Variants in ALG9 observed in about 807,000 individuals in gnomAD.
ALG9 encodes the protein ALG9 alpha-1,2-mannosyltransferase, also known as alpha-1,2-mannosyltransferase ALG9.
Under a neutral mutation model 81.8 loss-of-function variants are expected in ALG9, and 55 were observed. The ratio of observed to expected loss-of-function variants is 0.67; its 90% CI spans 0.54 to 0.84. The LOEUF (loss-of-function observed/expected upper bound fraction) is 0.84, where lower values mean the gene tolerates loss of function less well. ALG9 is among the 40% of genes least tolerant of loss of function. The pLI is 0.00. For missense variants in ALG9, 629 were observed against 745.0 expected (o/e 0.84, Z 1.81); for synonymous variants, 278 against 274.3 (o/e 1.01, Z -0.13).
the ALG9 span, among the ~76,000 whole-genome samples, chr11:111,772,021 C>T: frequency 6.6e-6 from 1 of 152,232 alleles, no homozygotes; most frequent in Non-Finnish European, 1.5e-5. Flanking sequence ...TTGCTACTCC[C>T]TCCTCCATCT....
chr11:111,844,830 C>G, intron 8 of ALG9, 107 bp from the exon 9 acceptor site: 9 of 1,275,000 alleles, frequency 7.1e-6, no homozygotes, highest in African/African-American at 1.5e-5. Context: ...GATCCTATGC[C>G]TCATGGGAAT....
At chr11:111,791,941 G>A (rs1001728288) in intron 14 of ALG9, among the ~76,000 whole-genome samples, 17 of 152,224 alleles carry the variant, frequency 1.1e-4, no homozygotes, top group African/African-American at 4.1e-4. Flanking sequence ...AAATTAGTTG[G>A]CTGTGGTGGC....
chr11:111,776,679 A>C, the ALG9 span, among the ~76,000 whole-genome samples: 1 of 152,206 alleles, frequency 6.6e-6, no homozygotes, highest in African/African-American at 2.4e-5. Flanking sequence ...TATTTCTAAG[A>C]TTGAGCTCAA....
chr11:111,839,285 A>G (rs185798070), intron 10 of ALG9, among the ~76,000 whole-genome samples: 82 of 152,224 alleles, frequency 5.4e-4, no homozygotes, highest in African/African-American at 1.9e-3. Flanking sequence ...ACAATATTAA[A>G]TTAAAAGGGA....
intron 9 of ALG9, among the ~76,000 whole-genome samples, chr11:111,843,990 A>G (rs1284522469): frequency 3.9e-5 from 6 of 152,146 alleles, no homozygotes; most frequent in South Asian, 2.1e-4. Context: ...AGAAAACTCA[A>G]ATAGGCTTGT....
chr11:111,803,906 G>A (rs773558173), intron 14 of ALG9, among the ~76,000 whole-genome samples: 1 of 151,986 alleles, frequency 6.6e-6, no homozygotes, highest in Non-Finnish European at 1.5e-5. Context: ...AGCGAGTCGG[G>A]TGGATCACTT....
At chr11:111,772,131 AG>A in the ALG9 span, among the ~76,000 whole-genome samples, 3 of 152,242 alleles carry the variant, frequency 2.0e-5, no homozygotes, top group East Asian at 5.8e-4. Context: ...TCAAAGAAAT[AG>A]GACAGCCGGG....
At chr11:111,802,445 G>A (rs1219770509) in intron 14 of ALG9, among the ~76,000 whole-genome samples, 2 of 152,172 alleles carry the variant, frequency 1.3e-5, no homozygotes, top group Admixed American at 6.5e-5. Context: ...CTCCACATAT[G>A]ATTGCACTTA....
intron 9 of ALG9, among the ~76,000 whole-genome samples, chr11:111,843,370 T>C (rs1398493373): frequency 1.3e-5 from 2 of 152,178 alleles, no homozygotes; most frequent in Non-Finnish European, 2.9e-5. Flanking sequence ...TAAAAGGCTA[T>C]TTTTCAGACA....
chr11:111,778,377 T>G (rs1945753561), downstream of ALG9: 1 of 152,210 alleles, frequency 6.6e-6, no homozygotes, highest in African/African-American at 2.4e-5. Flanking sequence ...TGTACTGAGA[T>G]GAGAGGATCA....
At chr11:111,807,921 C>T (rs1394234199) in intron 14 of ALG9, among the ~76,000 whole-genome samples, 1 of 152,072 alleles carries the variant, frequency 6.6e-6, no homozygotes, top group African/African-American at 2.4e-5. Context: ...CACGTCTCTA[C>T]AAAAAATACA....
intron 12 of ALG9, 122 bp downstream of exon 12, chr11:111,837,345 TG>T: frequency 1.7e-6 from 2 of 1,151,396 alleles, no homozygotes; most frequent in Non-Finnish European, 2.5e-6. Context: ...CTCTCCGACG[TG>T]GTAGATAATT....
At chr11:111,788,578 A>AC (rs1946840108) in intron 14 of ALG9, 1 of 396,540 alleles carries the variant, frequency 2.5e-6, no homozygotes, top group African/African-American at 2.1e-5. Flanking sequence ...ACCTGTGTTT[A>AC]CAAAAAATGT....
chr11:111,809,476 G>A, intron 14 of ALG9, 167 bp downstream of exon 14: 1 of 748,100 alleles, frequency 1.3e-6, no homozygotes, highest in East Asian at 2.9e-5. Flanking sequence ...GTTGTGGGGA[G>A]TTGAGATCAC....
intron 10 of ALG9, among the ~76,000 whole-genome samples, chr11:111,839,147 T>C (rs949466396): frequency 6.6e-6 from 1 of 152,158 alleles, no homozygotes; most frequent in African/African-American, 2.4e-5. Context: ...AATTCTACCA[T>C]GAATTATATC....
At chr11:111,846,889 G>A (rs564369525) in intron 8 of ALG9, among the ~76,000 whole-genome samples, 1 of 152,248 alleles carries the variant, frequency 6.6e-6, no homozygotes, top group South Asian at 2.1e-4. Flanking sequence ...CAAGCTAAAC[G>A]CTGAACTGGT....
intron 3 of ALG9, 88 bp from the exon 4 acceptor site, chr11:111,865,339 T>A: frequency 1.0e-6 from 1 of 969,596 alleles, no homozygotes; most frequent in South Asian, 1.5e-5. Context: ...TTATTGTCAA[T>A]AACACTGTAA....
At chr11:111,834,748 C>G (rs1954949161) in intron 13 of ALG9, among the ~76,000 whole-genome samples, 2 of 152,126 alleles carry the variant, frequency 1.3e-5, no homozygotes, top group South Asian at 4.1e-4. Flanking sequence ...ATTTTCCCAC[C>G]CTTTGACTGT....
chr11:111,821,514 T>C (rs1477210102), intron 13 of ALG9, among the ~76,000 whole-genome samples: 1 of 152,222 alleles, frequency 6.6e-6, no homozygotes, highest in Non-Finnish European at 1.5e-5. Context: ...GCTGTAGTTT[T>C]GCTGAATCAT....
Sources: allele counts gnomAD v4.1 joint callset (sites outside exome capture counted in the v4.1 genomes callset), GRCh38; gene constraint gnomAD v4.1.1; transcripts MANE v1.5; gene names NCBI Gene and HGNC (gene_info 2026-07-23, HGNC 2026-07-21).